GRB10: variants seen among roughly 807,000 people sequenced by gnomAD.
GRB10 encodes growth factor receptor bound protein 10.
A neutral mutation model predicts 80.9 loss-of-function variants in GRB10; 20 were observed. The observed-to-expected ratio is 0.25, with a 90% CI of 0.17 to 0.36. The LOEUF (loss-of-function observed/expected upper bound fraction) is 0.36, where lower values mean the gene tolerates loss of function less well. Among genes scored for constraint, GRB10 ranks in the 10% least tolerant of loss-of-function variants. GRB10 has a pLI of 1.00. For synonymous variants in GRB10, 291 were observed against 291.5 expected, an observed-to-expected ratio of 1.00 and a Z score of 0.02; for missense variants, 548 against 747.7, an observed-to-expected ratio of 0.73 and a Z score of 3.12.
chr7:50,704,297 A>C (rs1587147988), intron 4 of GRB10, among the ~76,000 whole-genome samples: 1 of 152,234 alleles, frequency 6.6e-6, no homozygotes. Flanking sequence ...ATTACCTGGG[A>C]CAGAAACATC....
At chr7:50,772,340 G>C (rs2077064567) in intron 2 of GRB10, among the ~76,000 whole-genome samples, 1 of 152,130 alleles carries the variant, frequency 6.6e-6, no homozygotes, top group Non-Finnish European at 1.5e-5. Context: ...CCTCGTTCTG[G>C]TCTTCTAGAC....
intron 9 of GRB10, 48 bp from the exon 10 acceptor site, chr7:50,618,187 G>T: frequency 7.2e-7 from 1 of 1,388,916 alleles, no homozygotes. Flanking sequence ...GCTTCAAAGT[G>T]AGGGAAGGTA....
intron 7 of GRB10, among the ~76,000 whole-genome samples, chr7:50,666,806 C>T (rs1304673415): frequency 6.6e-6 from 1 of 151,982 alleles, no homozygotes; most frequent in Non-Finnish European, 1.5e-5. Flanking sequence ...TTTGGGAGGC[C>T]GAGGTGGGCG....
At chr7:50,620,132 G>A (rs561092985) in intron 8 of GRB10, among the ~76,000 whole-genome samples, 1 of 152,256 alleles carries the variant, frequency 6.6e-6, no homozygotes, top group South Asian at 2.1e-4. Context: ...CCCTTCCCAG[G>A]CACCTCCTCA....
At chr7:50,710,109 GAA>G (rs1429635227) in intron 4 of GRB10, among the ~76,000 whole-genome samples, 7 of 152,098 alleles carry the variant, frequency 4.6e-5, no homozygotes, top group Non-Finnish European at 8.8e-5. Flanking sequence ...CAACCCCAAC[GAA>G]AAGTCTACCT....
chr7:50,769,552 A>G (rs1370415847), intron 2 of GRB10, among the ~76,000 whole-genome samples: 1 of 152,142 alleles, frequency 6.6e-6, no homozygotes, highest in Admixed American at 6.5e-5. Context: ...CTGCCCTTCT[A>G]CAAAGTCAGC....
intron 7 of GRB10, among the ~76,000 whole-genome samples, chr7:50,666,451 T>C (rs1221377988): frequency 6.6e-6 from 1 of 152,130 alleles, no homozygotes; most frequent in Admixed American, 6.5e-5. Flanking sequence ...CTTCCTTTCA[T>C]CAAGTCCCAT....
At chr7:50,706,033 C>G (rs1472967011) in intron 4 of GRB10, among the ~76,000 whole-genome samples, 1 of 152,226 alleles carries the variant, frequency 6.6e-6, no homozygotes. Flanking sequence ...TCTTTGGCAT[C>G]TGAAATATTT....
intron 9 of GRB10, 32 bp downstream of exon 9, chr7:50,619,138 C>T (rs1585778347): frequency 7.6e-7 from 1 of 1,316,768 alleles, no homozygotes; most frequent in Non-Finnish European, 1.1e-6. Flanking sequence ...TTCAAGAGTC[C>T]CAAACCCCAA....
intron 4 of GRB10, among the ~76,000 whole-genome samples, chr7:50,710,716 C>G (rs2065760749): frequency 6.6e-6 from 1 of 152,190 alleles, no homozygotes; most frequent in Non-Finnish European, 1.5e-5. Context: ...AGTCTTGGGA[C>G]TCAGGGCAAC....
At chr7:50,784,881 T>TAG (rs139805356), upstream of GRB10, among the ~76,000 whole-genome samples, 956 of 152,210 alleles carry the variant, frequency 6.3e-3, 8 homozygotes, top group Admixed American at 0.012. Context: ...ATGGGAAACG[T>TAG]AGAGTCCAAA....
intron 5 of GRB10, among the ~76,000 whole-genome samples, chr7:50,685,483 C>G (rs1018960367): frequency 2.6e-5 from 4 of 152,116 alleles, no homozygotes; most frequent in African/African-American, 9.6e-5. Flanking sequence ...TACTGGAGCC[C>G]GAAGGAGGGA....
chr7:50,604,502 C>A, intron 15 of GRB10, 125 bp from the exon 16 acceptor site: 1 of 811,146 alleles, frequency 1.2e-6, no homozygotes, highest in East Asian at 2.4e-5. Flanking sequence ...GGACCTTGCC[C>A]CATCTGAAGA....
chr7:50,640,757 C>A (rs1160629046), intron 7 of GRB10, among the ~76,000 whole-genome samples: 2 of 152,178 alleles, frequency 1.3e-5, no homozygotes, highest in Admixed American at 1.3e-4. Flanking sequence ...TCCATGATAT[C>A]CAGGAGTATG....
chr7:50,754,533 A>T (rs2074734940), intron 3 of GRB10, among the ~76,000 whole-genome samples: 1 of 151,998 alleles, frequency 6.6e-6, no homozygotes, highest in Non-Finnish European at 1.5e-5. Context: ...AGGGGCACAG[A>T]CTCTCAGAAA....
intron 7 of GRB10, among the ~76,000 whole-genome samples, chr7:50,653,851 G>C (rs1043149525): frequency 6.6e-6 from 1 of 152,238 alleles, no homozygotes; most frequent in African/African-American, 2.4e-5. Context: ...TGAAGTACAG[G>C]CTGGAAGGGG....
At chr7:50,697,148 G>A (rs535272634) in intron 5 of GRB10, among the ~76,000 whole-genome samples, 7 of 152,194 alleles carry the variant, frequency 4.6e-5, no homozygotes, top group Admixed American at 4.6e-4. Flanking sequence ...CCAGGGACTG[G>A]GGAGAATTAT....
At chr7:50,617,850 T>C (rs926968741) in intron 10 of GRB10, 5 of 606,830 alleles carry the variant, frequency 8.2e-6, no homozygotes, top group African/African-American at 3.7e-5. Flanking sequence ...AAGTGCCTGT[T>C]TGGCTTAGAA....
intron 3 of GRB10, among the ~76,000 whole-genome samples, chr7:50,742,648 A>G (rs916952231): frequency 6.6e-6 from 1 of 151,872 alleles, no homozygotes; most frequent in Non-Finnish European, 1.5e-5. Context: ...ACTGGACTGC[A>G]TATTACATCA....
Sources: allele counts gnomAD v4.1 joint callset (sites outside exome capture counted in the v4.1 genomes callset), GRCh38; gene constraint gnomAD v4.1.1; transcripts MANE v1.5; gene names NCBI Gene and HGNC (gene_info 2026-07-23, HGNC 2026-07-21).